The following AHNAK2 variants were observed in gnomAD, a reference collection of about 807,000 sequenced individuals.
AHNAK2 encodes AHNAK nucleoprotein 2.
A neutral mutation model predicts 30.7 loss-of-function variants in AHNAK2; 18 were observed. That is an observed-to-expected ratio of 0.59 (90% CI 0.41 to 0.87). The LOEUF is 0.87. Among genes scored for constraint, AHNAK2 ranks in the 40% least tolerant of loss-of-function variants. The pLI is 0.00. For synonymous variants in AHNAK2, 3,590 were observed against 3,073.8 expected (o/e 1.17, Z -5.56); for missense variants, 8,604 against 7,373.0 (o/e 1.17, Z -6.11).
rs752356706 is a variant in AHNAK2, at chr14:104,957,434, A to C, written c.189T>G (p.Thr63=). Residue 63 remains threonine (T), a synonymous_variant, in exon 3 of 7, where the codon ACT becomes ACG. Transcript: ENST00000333244. ...CCTGGAGTCCAAAGTCGGCAGCCTC[A>C]GTCGTGTATTCGTAGACAGGTGAAG... ...QGSSPVYEYT[T]EAADFGLQED... The C allele has an allele frequency of 6.3e-7, 1 of 1,593,096 alleles. No individual in the cohort carries two copies. The highest frequency in any genetic ancestry group is 8.6e-7 in the Non-Finnish European group (1 of 1,164,510).
Position 104,942,328 on chromosome 14 carries a change from C to T in AHNAK2, c.13123G>A (p.Ala4375Thr). The change falls in exon 7 of 7, where the codon GCC becomes ACC. Residue 4375 changes from alanine to threonine, a missense_variant. Physicochemically the swap from Ala to Thr is moderately conservative, Grantham distance 58. Transcript: ENST00000333244. ...TTCGGCAGGTGCCCTTTGAGGCCGG[C>T]TCCCTCATGCACAGGGCCCTCTGGG... ...KLPEGPVHEG[A>T]GLKGHLPKLQ... 6.2e-7 allele frequency: 1 copy of T among 1,613,304 alleles called. No individual in the cohort carries two copies. The highest frequency in any genetic ancestry group is 2.2e-5 in the East Asian group (1 of 44,822).
rs778877591 is a variant in AHNAK2, at chr14:104,940,440, T to G, written c.15011A>C (p.Asp5004Ala). The G allele has an allele frequency of 1.7e-5, 28 of 1,613,756 alleles. No individual in the cohort carries two copies. The highest frequency in any genetic ancestry group is 2.3e-5 in the Non-Finnish European group (27 of 1,179,910). Reference protein sequence around the residue: ...EVAPQSAIHMDLPPERDGEKG... With the variant: ...EVAPQSAIHMALPPERDGEKG... ...CTCTCCATCCCTCTCAGGAGGCAGA[T>G]CCATGTGGATGGCAGACTGCGGGGC... The change falls in exon 7 of 7, where the codon GAT (aspartate) becomes GCT (alanine). Residue 5004 changes from aspartate (D) to alanine (A), a missense_variant. Physicochemically the swap from Asp to Ala is moderately radical, Grantham distance 126 (BLOSUM62 -2). Coordinates refer to ENST00000333244, the MANE Select transcript of AHNAK2 (RefSeq NM_138420.4). The surrounding 1 kb of genome is among the most constrained non-coding windows in gnomAD (Gnocchi z 4.4).
At chr14:104,969,284 AAAC>A (rs773777794) in intron 1 of AHNAK2, among the ~76,000 whole-genome samples, 1 of 152,162 alleles carries the variant, frequency 6.6e-6, no homozygotes, top group Non-Finnish European at 1.5e-5. Context: ...CCCTCTCCCG[AAAC>A]AACCTTTCGT....
At position 104,953,577 on chromosome 14, in the gene AHNAK2, T is replaced by C; in HGVS notation, c.1874A>G (p.Glu625Gly). The C allele has an allele frequency of 6.2e-7, 1 of 1,614,014 alleles. No homozygotes were observed. The highest frequency in any genetic ancestry group is 8.5e-7 in the Non-Finnish European group (1 of 1,179,894). ...TAATCCTTCCTCTGTGCGTCTCTGT[T>C]CTCTTCTATCAGCTGTTGCTGTGGC... is the stretch of plus-strand genomic sequence containing the variant. ...GEATATADRR[E>G]QRRTEEGLKD... The change falls in exon 7 of 7, where the codon GAA (glutamate) becomes GGA (glycine). Residue 625 changes from glutamate (E) to glycine (G), a missense_variant. Coordinates refer to ENST00000333244, the MANE Select transcript of AHNAK2 (RefSeq NM_138420.4).
chr14:104,955,188 G>A (rs773383103), intron 5 of AHNAK2, 47 bp from the exon 6 acceptor site: 26 of 1,556,070 alleles, frequency 1.7e-5, no homozygotes, highest in African/African-American at 5.4e-5. Context: ...TGAATGAGAC[G>A]GGGTCTGCTG....
intron 1 of AHNAK2, chr14:104,970,615 C>T (rs1054710011): frequency 5.1e-5 from 39 of 760,132 alleles, no homozygotes; most frequent in Admixed American, 1.3e-4. Flanking sequence ...AGGACCCCCA[C>T]ATCCCACCAG....
chr14:104,950,959 A>G lies in AHNAK2; in HGVS notation c.4492T>C (p.Phe1498Leu). Residue 1498 changes from phenylalanine (F) to leucine (L), a missense_variant, in exon 7 of 7, where the codon TTC becomes CTC. By Grantham distance (22) the Phe-to-Leu change is conservative (BLOSUM62 0). Coordinates refer to ENST00000333244, the MANE Select transcript of AHNAK2 (RefSeq NM_138420.4). ...GACACCCCGAACGACGGCATCTTGAACTTGGGCATTTTGAACTTGCTGTCT... is the reference window on the plus strand; with the variant it reads ...GACACCCCGAACGACGGCATCTTGAGCTTGGGCATTTTGAACTTGCTGTCT... ...TKDSKFKMPKFKMPSFGVSAP... is the reference protein window; with the variant it reads ...TKDSKFKMPKLKMPSFGVSAP... The G allele has an allele frequency of 6.7e-7, 1 of 1,486,120 alleles. No individual in the cohort carries two copies. The highest frequency in any genetic ancestry group is 2.3e-5 in the East Asian group (1 of 43,964). The allele number at this position is 1,486,120 out of a possible 1,614,324, so 92.1% of individuals were successfully genotyped here. A position where few individuals can be genotyped will look rare whatever the true frequency, so the allele number is the denominator to read the frequency against.
rs773853819 is a variant in AHNAK2 at position 104,950,605 on chromosome 14, C to G, written c.4846G>C (p.Asp1616His). Residue 1616 changes from aspartate (D) to histidine (H), a missense_variant, in exon 7 of 7, where the codon GAT (aspartate) becomes CAT (histidine). By Grantham distance (81) the Asp-to-His change is moderately conservative. Coordinates refer to ENST00000333244, the MANE Select transcript of AHNAK2 (RefSeq NM_138420.4). ...ATGCTGGACAGAGACATCTTCACAT[C>G]GGGGGCTGTCACTTCCACCTTGGGG... Reference protein sequence around the residue: ...KGPKVEVTAPDVKMSLSSMEV... With the variant: ...KGPKVEVTAPHVKMSLSSMEV... The G allele has an allele frequency of 1.3e-6, 2 of 1,587,072 alleles. No individual in the cohort carries two copies. Among genetic ancestry groups the G allele is most frequent in the East Asian group, 2.3e-5 (1 of 44,250 alleles).
rs1214215005 is a variant in AHNAK2 at position 104,957,396 on chromosome 14, C to A, written c.213+14G>T. The A allele has an allele frequency of 1.1e-5, 18 of 1,572,876 alleles. No homozygotes were observed. Among genetic ancestry groups the A allele is most frequent in the Middle Eastern group, 1.8e-4 (1 of 5,654 alleles). ...AGACCTGGGTGCCTGTGGGGCTCTG[C>A]CCAGCAGGCTCACCTGGAGTCCAAA... On this transcript the variant is annotated intron_variant, in intron 3 of 6. Coordinates refer to ENST00000333244, the MANE Select transcript of AHNAK2 (RefSeq NM_138420.4).
chr14:104,941,083 C>T lies in AHNAK2; in HGVS notation c.14368G>A (p.Val4790Ile), dbSNP rs1566896517. The T allele has an allele frequency of 6.2e-7, 1 of 1,613,700 alleles. No homozygotes were observed. The highest frequency in any genetic ancestry group is 8.5e-7 in the Non-Finnish European group (1 of 1,179,890). The change falls in exon 7 of 7, where the codon GTT (valine) becomes ATT (isoleucine). Residue 4790 changes from valine to isoleucine, a missense_variant. By Grantham distance (29) the Val-to-Ile change is conservative. Transcript: ENST00000333244. Reference sequence around the variant, plus strand: ...GTCACCTGGTATTTTGTAAGTGTAACATCCTCACAGGGAGAGAGAATAGAA... The same window carrying T: ...GTCACCTGGTATTTTGTAAGTGTAATATCCTCACAGGGAGAGAGAATAGAA... ...ESSILSPCED[V>I]TLTKYQVTVP...
chr14:104,954,542 C>G lies in AHNAK2; in HGVS notation c.909G>C (p.Gln303His). 1 of 1,609,880 alleles carries G rather than the reference C, an allele frequency of 6.2e-7. No individual in the cohort carries two copies. Among genetic ancestry groups the G allele is most frequent in the South Asian group, 1.1e-5 (1 of 90,628 alleles). The part of the protein sequence containing the change: ...VSPTSTDTEA[Q>H]LTVERQEQKA... ...TCTGCTCTTGGCGCTCCACCGTGAG[C>G]TGGGCCTCTGTGTCTGTGCTTGTAG... Residue 303 changes from glutamine (Q) to histidine (H), a missense_variant, in exon 7 of 7, where the codon CAG becomes CAC. Transcript: ENST00000333244. The surrounding 1 kb of genome is among the most constrained non-coding windows in gnomAD (Gnocchi z 4.3).
rs749765628 is a variant in AHNAK2 at position 104,946,822 on chromosome 14, C to A, written c.8629G>T (p.Val2877Leu). The A allele has an allele frequency of 6.2e-7, 1 of 1,612,586 alleles. No homozygotes were observed. The highest frequency in any genetic ancestry group is 8.5e-7 in the Non-Finnish European group (1 of 1,179,612). Residue 2877 changes from valine (V) to leucine (L), a missense_variant, in exon 7 of 7, where the codon GTG (valine) becomes TTG (leucine). By Grantham distance (32) the Val-to-Leu change is conservative. Transcript: ENST00000333244. ...SAQLEVQAGQVDVKLPEGHVP... is the reference protein window; with the variant it reads ...SAQLEVQAGQLDVKLPEGHVP... Reference sequence around the variant, plus strand: ...TGGCCCTCTGGGAGTTTCACGTCCACCTGGCCAGCCTGGACCTCCAGTTGG... The same window carrying A: ...TGGCCCTCTGGGAGTTTCACGTCCAACTGGCCAGCCTGGACCTCCAGTTGG...
Position 104,949,706 on chromosome 14 carries a change from C to A in AHNAK2, c.5745G>T (p.Lys1915Asn), listed in dbSNP as rs758655484. 67 of 1,587,168 alleles carry A rather than the reference C, an allele frequency of 4.2e-5. 7 individuals are homozygous for A. The highest frequency in any genetic ancestry group is 5.2e-5 in the Non-Finnish European group (60 of 1,162,880). ...GGCCCTTGAGGTCCACTTTGGGCAT[C>A]TTGAAACTGGGCATATCCACCTTGG... ...HLPKVDMPSF[K>N]MPKVDLKGPQ... Residue 1915 changes from lysine to asparagine, a missense_variant, in exon 7 of 7, where the codon AAG (lysine) becomes AAT (asparagine). Transcript: ENST00000333244.
Position 104,955,433 on chromosome 14 carries a change from C to T in AHNAK2, c.466+50G>A, listed in dbSNP as rs755088944. The T allele has an allele frequency of 1.9e-6, 3 of 1,572,704 alleles. No individual in the cohort carries two copies. The African/African-American group carries it at 4.0e-5, about 21-fold the overall frequency. On this transcript the variant is annotated intron_variant, in intron 5 of 6. Transcript: ENST00000333244. ...CTCAATACCCCCCTCCAGGTCCCTC[C>T]CATCCTGGTGGGGAGAATGGTGACC...
intron 1 of AHNAK2, among the ~76,000 whole-genome samples, chr14:104,973,158 G>C (rs1415082786): frequency 6.6e-6 from 1 of 152,222 alleles, no homozygotes; most frequent in African/African-American, 2.4e-5. Flanking sequence ...GCAAGCAGGG[G>C]CTCTGCTAAG....
chr14:104,963,489 T>A (rs532459258), intron 1 of AHNAK2, among the ~76,000 whole-genome samples: 75 of 152,286 alleles, frequency 4.9e-4, no homozygotes, highest in African/African-American at 1.7e-3. Flanking sequence ...GGGGAAAAAT[T>A]CTTAAACAGA....
chr14:104,948,069 T>G lies in AHNAK2; in HGVS notation c.7382A>C (p.Asp2461Ala), dbSNP rs1389740439. 4 of 1,612,790 alleles carry G rather than the reference T, an allele frequency of 2.5e-6. No homozygotes were observed. Among genetic ancestry groups the G allele is most frequent in the African/African-American group, 1.3e-5 (1 of 74,440 alleles). Residue 2461 changes from aspartate (D) to alanine (A), a missense_variant, in exon 7 of 7, where the codon GAT (aspartate) becomes GCT (alanine). By Grantham distance (126) the Asp-to-Ala change is moderately radical. Transcript: ENST00000333244. ...VDVEAPGAKL[D>A]GAWLEGDLSV... Reference sequence around the variant, plus strand: ...CAGGTCCCCCTCCAGCCACGCACCATCCAGCTTGGCTCCCGGGGCCTCGAC... The same window carrying G: ...CAGGTCCCCCTCCAGCCACGCACCAGCCAGCTTGGCTCCCGGGGCCTCGAC...
rs1442137302 is a variant in AHNAK2 at position 104,939,534 on chromosome 14, A to G, written c.15917T>C (p.Leu5306Pro). 2 of 1,613,820 alleles carry G rather than the reference A, an allele frequency of 1.2e-6. No homozygotes were observed. Among genetic ancestry groups the G allele is most frequent in the Non-Finnish European group, 8.5e-7 (1 of 1,179,880 alleles). Residue 5306 changes from leucine to proline, a missense_variant, in exon 7 of 7, where the codon CTC becomes CCC. Coordinates refer to ENST00000333244, the MANE Select transcript of AHNAK2 (RefSeq NM_138420.4). ...EVRIHPSKGPLPFQMPGMRLP... is the reference protein window; with the variant it reads ...EVRIHPSKGPPPFQMPGMRLP... ...CCTCATGCCAGGCATCTGAAAAGGGAGAGGTCCTTTGGATGGATGGATCCT... is the reference window on the plus strand; with the variant it reads ...CCTCATGCCAGGCATCTGAAAAGGGGGAGGTCCTTTGGATGGATGGATCCT...
At position 104,951,813 on chromosome 14, in the gene AHNAK2, A is replaced by G; in HGVS notation, c.3638T>C (p.Ile1213Thr). ...QGDLKTTDLS[I>T]QPPSADLEVH... ...CTCCAGGTCAGCGGAAGGGGGCTGA[A>G]TGCTGAGGTCAGTGGTCTTGAGGTC... is the stretch of plus-strand genomic sequence containing the variant. The change falls in exon 7 of 7, where the codon ATT becomes ACT. Residue 1213 changes from isoleucine to threonine, a missense_variant. Transcript: ENST00000333244. The G allele has an allele frequency of 6.9e-7, 1 of 1,457,268 alleles. No homozygotes were observed. Among genetic ancestry groups the G allele is most frequent in the Non-Finnish European group, 9.6e-7 (1 of 1,047,098 alleles). 90.3% of individuals were successfully genotyped at this position (1,457,268 alleles called of 1,614,324 possible).
Sources: allele counts gnomAD v4.1 joint callset (sites outside exome capture counted in the v4.1 genomes callset), GRCh38; gene constraint gnomAD v4.1.1; non-coding constraint Gnocchi (gnomAD v3.1); transcripts MANE v1.5; gene names NCBI Gene and HGNC (gene_info 2026-07-23, HGNC 2026-07-21).